The following TEX11 variants were observed in gnomAD, a reference collection of about 807,000 sequenced individuals.
The protein encoded by TEX11 is testis-expressed protein 11.
Under a neutral mutation model 84.4 loss-of-function variants are expected in TEX11, and 7 were observed. The observed-to-expected ratio is 0.08, with a 90% CI of 0.05 to 0.16. The LOEUF (loss-of-function observed/expected upper bound fraction) is 0.16. Ranked by LOEUF, TEX11 falls within the 10% of genes least tolerant of loss-of-function variation. The probability of loss-of-function intolerance (pLI) is 1.00; values close to 1 mark genes in which losing one functional copy is unlikely to be tolerated. For synonymous variants in TEX11, 264 were observed against 222.8 expected (o/e 1.18, Z -1.64); for missense variants, 551 against 660.5 (o/e 0.83, Z 1.82).
At chrX:70,841,182 T>C (rs746236561) in intron 7 of TEX11, among the ~76,000 whole-genome samples, 1,681 of 110,604 alleles carry the variant, frequency 0.015, 13 homozygotes, top group Middle Eastern at 0.051. Context: ...TATACATTCT[T>C]TTCAGCACCA....
Position 70,670,609 on chromosome X carries a change from T to G in TEX11, c.1243-95A>C, listed in dbSNP as rs1472381445. Reference sequence around the variant, plus strand: ...AAACAAATAAAAGATGCTGTTGGTTTCTTTTTTAGGCAATCAAAACACAAT... The same window carrying G: ...AAACAAATAAAAGATGCTGTTGGTTGCTTTTTTAGGCAATCAAAACACAAT... On this transcript the variant is annotated intron_variant, in intron 15 of 29. Coordinates refer to ENST00000374333, the MANE Select transcript of TEX11 (RefSeq NM_031276.3). 4 of 997,626 alleles carry G rather than the reference T, an allele frequency of 4.0e-6. No homozygotes were observed. The Admixed American group carries it at 1.1e-4, about 27-fold the overall frequency. The allele number at this position is 997,626 out of a possible 1,213,427, so 82.2% of individuals were successfully genotyped here. A position where few individuals can be genotyped will look rare whatever the true frequency, so the allele number is the denominator to read the frequency against.
intron 2 of TEX11, among the ~76,000 whole-genome samples, chrX:70,893,046 T>C (rs2091747390): frequency 9.0e-6 from 1 of 111,258 alleles, no homozygotes; most frequent in Admixed American, 9.6e-5. Flanking sequence ...CCCAGATTCA[T>C]AAAGGAAGTT....
chrX:70,828,522 A>G (rs937575211), intron 8 of TEX11, among the ~76,000 whole-genome samples: 11 of 110,001 alleles, frequency 1.0e-4, no homozygotes, highest in African/African-American at 3.0e-4. Flanking sequence ...AAGACAGGCT[A>G]TTTGAAAATA....
At chrX:70,737,798 A>T (rs963088715) in intron 11 of TEX11, among the ~76,000 whole-genome samples, 8 of 111,290 alleles carry the variant, frequency 7.2e-5, no homozygotes, top group African/African-American at 2.6e-4. Flanking sequence ...AAAATAGAAG[A>T]TAACAAGTGC....
intron 9 of TEX11, among the ~76,000 whole-genome samples, chrX:70,802,935 T>C (rs1475548166): frequency 1.8e-5 from 2 of 111,715 alleles, no homozygotes; most frequent in East Asian, 5.6e-4. Context: ...AATCATTAGA[T>C]AGGACTTTAA....
intron 28 of TEX11, among the ~76,000 whole-genome samples, chrX:70,533,381 T>C (rs760966637): frequency 3.6e-5 from 4 of 111,937 alleles, no homozygotes; most frequent in Non-Finnish European, 5.6e-5. Flanking sequence ...CTGTTGCAGA[T>C]ATGGATTGGA....
intron 2 of TEX11, among the ~76,000 whole-genome samples, chrX:70,897,193 T>TTTATA (rs2091772407): frequency 2.2e-5 from 1 of 45,467 alleles, no homozygotes; most frequent in Non-Finnish European, 5.8e-5. Context: ...ATATAATATA[T>TTTATA]GTTATATATT....
intron 8 of TEX11, among the ~76,000 whole-genome samples, chrX:70,812,039 C>T (rs2091258347): frequency 9.0e-6 from 1 of 111,204 alleles, no homozygotes; most frequent in Non-Finnish European, 1.9e-5. Context: ...AATTAGATCC[C>T]ATTTGTCAGT....
At chrX:70,773,563 G>A (rs1373351720) in intron 9 of TEX11, among the ~76,000 whole-genome samples, 11 of 111,680 alleles carry the variant, frequency 9.8e-5, no homozygotes, top group Non-Finnish European at 2.1e-4. Flanking sequence ...AAAAGAAAAG[G>A]ATGCTAACAA....
At chrX:70,726,870 G>A (rs1416949482) in intron 11 of TEX11, among the ~76,000 whole-genome samples, 1 of 102,365 alleles carries the variant, frequency 9.8e-6, no homozygotes, top group Non-Finnish European at 2.0e-5. Flanking sequence ...GTCTCACTCT[G>A]TCTCCCAGGC....
rs2090796776 is a variant in TEX11 at position 70,749,546 on chromosome X, T to C, written c.693-5327A>G. 3.8e-5 allele frequency among the ~76,000 whole-genome samples: 4 copies of C among 105,764 alleles called. No homozygotes were observed. In the Admixed American group the frequency reaches 4.2e-4, roughly 11 times the overall value. 91.8% of individuals were successfully genotyped at this position (105,764 alleles called of 115,157 possible). On this transcript the variant is annotated intron_variant, in intron 9 of 29. Coordinates refer to ENST00000374333, the MANE Select transcript of TEX11 (RefSeq NM_031276.3). Reference sequence around the variant, plus strand: ...CAGTGTTTGCCCATTCAGTATGATATTGGCTGTGGGTTTGTCATAGATAGC... The same window carrying C: ...CAGTGTTTGCCCATTCAGTATGATACTGGCTGTGGGTTTGTCATAGATAGC...
chrX:70,733,853 A>G (rs983144296), intron 11 of TEX11, among the ~76,000 whole-genome samples: 2 of 111,696 alleles, frequency 1.8e-5, no homozygotes, highest in Non-Finnish European at 3.8e-5. Context: ...ACATACGCAC[A>G]CGTATGTTTA....
intron 9 of TEX11, among the ~76,000 whole-genome samples, chrX:70,790,739 A>C (rs1275111181): frequency 1.8e-5 from 2 of 111,863 alleles, no homozygotes; most frequent in East Asian, 5.7e-4. Flanking sequence ...GCAAGCACAC[A>C]GCATAGCCTC....
intron 28 of TEX11, among the ~76,000 whole-genome samples, chrX:70,544,704 T>C (rs1198964179): frequency 9.2e-6 from 1 of 108,820 alleles, no homozygotes; most frequent in African/African-American, 3.3e-5. Context: ...CCAGATGTGG[T>C]GGCACACGCC....
chrX:70,681,082 T>G (rs778598662), intron 14 of TEX11, among the ~76,000 whole-genome samples: 20 of 112,810 alleles, frequency 1.8e-4, no homozygotes, highest in Non-Finnish European at 3.2e-4. Context: ...TCAAATACAT[T>G]AGCACATTAA....
chrX:70,636,119 T>C (rs1438951237), intron 17 of TEX11, among the ~76,000 whole-genome samples: 1 of 110,028 alleles, frequency 9.1e-6, no homozygotes, highest in African/African-American at 3.3e-5. Context: ...CTCACAGACC[T>C]AGCCTCCAGG....
chrX:70,897,679 A>AAAAGAAAGAAAGAAAG lies in TEX11; in HGVS notation c.37+10058_37+10073dup, dbSNP rs200506308. The AAAAGAAAGAAAGAAAG allele has an allele frequency of 2.0e-4, 15 of 75,726 alleles. 1 individual carries two copies. The highest frequency in any genetic ancestry group is 3.1e-4 in the African/African-American group (6 of 19,610). 6.2% of individuals were successfully genotyped at this position (75,726 alleles called of 1,213,427 possible). On this transcript the variant is annotated intron_variant, in intron 2 of 29. Coordinates refer to ENST00000374333, the MANE Select transcript of TEX11 (RefSeq NM_031276.3). ...AGGAAGGAAGGAAAACAAAGAAAGA[A>AAAAGAAAGAAAGAAAG]AAAGAAAGAAAGAAAGAAAGAAAGA...
At chrX:70,717,563 T>A (rs2090517673) in intron 13 of TEX11, among the ~76,000 whole-genome samples, 1 of 111,730 alleles carries the variant, frequency 9.0e-6, no homozygotes, top group African/African-American at 3.2e-5. Context: ...AGGCAATCCA[T>A]CTTCCTCAGC....
chrX:70,733,904 C>G (rs759802209), intron 11 of TEX11, among the ~76,000 whole-genome samples: 2 of 111,541 alleles, frequency 1.8e-5, no homozygotes, highest in Admixed American at 9.5e-5. Flanking sequence ...GGAACCAACC[C>G]AAATGTCCAA....
Sources: allele counts gnomAD v4.1 joint callset (sites outside exome capture counted in the v4.1 genomes callset), GRCh38; gene constraint gnomAD v4.1.1; transcripts MANE v1.5; gene names NCBI Gene and HGNC (gene_info 2026-07-23, HGNC 2026-07-21).